Variants in PRKN observed in about 807,000 individuals in gnomAD.
PRKN encodes E3 ubiquitin-protein ligase parkin.
PRKN carries 56 observed loss-of-function variants against 59.5 expected under a neutral mutation model. That is an observed-to-expected ratio of 0.94 (90% CI 0.76 to 1.18). The LOEUF is 1.18. PRKN is among the 50% of genes most tolerant of loss of function. The pLI, the probability that PRKN is intolerant of heterozygous loss-of-function variation, is 0.00. For missense variants in PRKN, 657 were observed against 596.4 expected (o/e 1.10, Z -1.06); for synonymous variants, 250 against 222.1 (o/e 1.13, Z -1.12).
chr6:161,985,853 C>T (rs1340579364), intron 5 of PRKN, among the ~76,000 whole-genome samples: 1 of 152,084 alleles, frequency 6.6e-6, no homozygotes, highest in East Asian at 1.9e-4. Flanking sequence ...CACTCTGGCC[C>T]CTTGCTTGTG....
In PRKN at chr6:162,056,929, C is replaced by A. The variant is rs112851493; in HGVS notation, c.535-2755G>T. On this transcript the variant is annotated intron_variant, in intron 4 of 11. Coordinates refer to ENST00000366898, the MANE Select transcript of PRKN (RefSeq NM_004562.3). This position sits in a 1 kb window ranked among gnomAD's most constrained non-coding sequence, Gnocchi z 4.9. ...GGGGGAGGACTCAGAGCCTTGCCTG[C>A]GGTTTCCTCTAAACTCCTCCCCCTG... Among the ~76,000 whole-genome samples the A allele has an allele frequency of 2.3e-4, 35 of 152,252 alleles. No homozygotes were observed. Among genetic ancestry groups the A allele is most frequent in the East Asian group, 7.7e-4 (4 of 5,164 alleles).
intron 2 of PRKN, among the ~76,000 whole-genome samples, chr6:162,396,406 G>A (rs139789010): frequency 3.5e-3 from 540 of 152,158 alleles, no homozygotes; most frequent in African/African-American, 0.012. Flanking sequence ...TAGGTGGGAC[G>A]TGTCACTAGT....
intron 3 of PRKN, 121 bp downstream of exon 3, chr6:162,262,404 T>C (rs1779927372): frequency 4.3e-6 from 5 of 1,174,266 alleles, no homozygotes; most frequent in Non-Finnish European, 3.8e-6. Flanking sequence ...TGTAGTGAAT[T>C]AGAGACTCCA....
At position 161,561,906 on chromosome 6, in the gene PRKN, G is replaced by A. The variant is rs143679950; in HGVS notation, c.933+7449C>T. 7.9e-5 allele frequency among the ~76,000 whole-genome samples: 12 copies of A among 152,102 alleles called. No individual in the cohort carries two copies. The East Asian group carries it at 1.4e-3, about 17-fold the overall frequency. On this transcript the variant is annotated intron_variant, in intron 8 of 11. Transcript: ENST00000366898. The surrounding 1 kb of genome is among the most constrained non-coding windows in gnomAD (Gnocchi z 5.0). ...ATAAAACTCTGGCTCCTGTCTTTAC[G>A]CATCCCCCAAAACTGCTCATTATGG...
At position 161,397,199 on chromosome 6, in the gene PRKN, G is replaced by C. The variant is rs1048215698; in HGVS notation, c.1084-10322C>G. ...TCATCTTTGTCTTCCCAAGATCCAG[G>C]TGCTAGAACATAGTAGGTGATCAGT... On this transcript the variant is annotated intron_variant, in intron 9 of 11. Transcript: ENST00000366898. This position sits in a 1 kb window ranked among gnomAD's most constrained non-coding sequence, Gnocchi z 4.2. Among the ~76,000 whole-genome samples the C allele has an allele frequency of 1.2e-4, 19 of 152,292 alleles. No individual in the cohort carries two copies. Among genetic ancestry groups the C allele is most frequent in the African/African-American group, 4.1e-4 (17 of 41,554 alleles).
intron 1 of PRKN, among the ~76,000 whole-genome samples, chr6:162,472,010 T>TC (rs2128178558): frequency 6.6e-6 from 1 of 152,300 alleles, no homozygotes; most frequent in Non-Finnish European, 1.5e-5. Context: ...ATAAATACTT[T>TC]CCTGACATTC....
At position 162,054,139 on chromosome 6, in the gene PRKN, G is replaced by A; in HGVS notation, c.570C>T (p.Asn190=). Residue 190 remains asparagine, a synonymous_variant, in exon 5 of 12, where the codon AAC becomes AAT. Coordinates refer to ENST00000366898, the MANE Select transcript of PRKN (RefSeq NM_004562.3). ...PSCWDDVLIP[N]RMSGECQSPH... ...GGGATTGGCATTCACCACTCATCCG[G>A]TTTGGAATTAAAACATCATCCCAGC... The A allele has an allele frequency of 6.2e-7, 1 of 1,613,576 alleles. No homozygotes were observed. Among genetic ancestry groups the A allele is most frequent in the Non-Finnish European group, 8.5e-7 (1 of 1,179,484 alleles).
At chr6:161,531,740 T>A (rs191030374) in intron 9 of PRKN, among the ~76,000 whole-genome samples, 12 of 152,184 alleles carry the variant, frequency 7.9e-5, no homozygotes, top group Admixed American at 6.5e-4. Flanking sequence ...CTGAAAAAAA[T>A]CATGTCAGTC....
intron 5 of PRKN, among the ~76,000 whole-genome samples, chr6:161,999,872 T>C (rs1380073484): frequency 1.3e-5 from 2 of 152,132 alleles, no homozygotes; most frequent in Admixed American, 6.6e-5. Flanking sequence ...TAATAAATGA[T>C]GAACTGAGTT....
chr6:161,875,413 C>T (rs937832579), intron 6 of PRKN, among the ~76,000 whole-genome samples: 11 of 151,768 alleles, frequency 7.2e-5, no homozygotes, highest in Admixed American at 7.2e-4. Flanking sequence ...AGGCTGGTCA[C>T]AACTCCTGAC....
intron 4 of PRKN, among the ~76,000 whole-genome samples, chr6:162,122,045 A>C (rs1780936355): frequency 6.6e-6 from 1 of 152,214 alleles, no homozygotes; most frequent in Non-Finnish European, 1.5e-5. Context: ...CTGAATCCTC[A>C]AAACTGAGTC....
intron 1 of PRKN, among the ~76,000 whole-genome samples, chr6:162,448,962 A>C (rs1328020586): frequency 6.7e-6 from 1 of 149,976 alleles, no homozygotes; most frequent in Non-Finnish European, 1.5e-5. Flanking sequence ...ATCTCAGCTC[A>C]CTGCAACCTC....
intron 1 of PRKN, among the ~76,000 whole-genome samples, chr6:162,618,562 G>A (rs1474450499): frequency 2.0e-5 from 3 of 152,072 alleles, no homozygotes; most frequent in Non-Finnish European, 4.4e-5. Flanking sequence ...TCGTGAGTAC[G>A]CTCTGAATCT....
At chr6:161,851,638 A>G (rs1793438386) in intron 6 of PRKN, among the ~76,000 whole-genome samples, 1 of 151,410 alleles carries the variant, frequency 6.6e-6, no homozygotes, top group Non-Finnish European at 1.5e-5. Context: ...GGCTCCCACC[A>G]CCATGCCTGG....
At chr6:161,810,284 CT>C (rs1381434137) in intron 6 of PRKN, among the ~76,000 whole-genome samples, 1 of 152,182 alleles carries the variant, frequency 6.6e-6, no homozygotes, top group Non-Finnish European at 1.5e-5. Flanking sequence ...AGAAACCAAC[CT>C]TTTCAACACC....
intron 1 of PRKN, among the ~76,000 whole-genome samples, chr6:162,637,465 T>C (rs181802092): frequency 6.6e-6 from 1 of 152,118 alleles, no homozygotes; most frequent in East Asian, 1.9e-4. Flanking sequence ...AAGTCTTACA[T>C]GAGAAACCCC....
chr6:162,518,512 G>A (rs1159471810), intron 1 of PRKN, among the ~76,000 whole-genome samples: 10 of 152,026 alleles, frequency 6.6e-5, no homozygotes, highest in Non-Finnish European at 5.9e-5. Context: ...TATTACGGGC[G>A]GGTGCCACCA....
intron 2 of PRKN, among the ~76,000 whole-genome samples, chr6:162,314,587 G>A (rs979142778): frequency 5.9e-5 from 9 of 152,020 alleles, no homozygotes; most frequent in East Asian, 5.8e-4. Flanking sequence ...CTCAGGGAAC[G>A]GCATCTCCAG....
At chr6:161,794,070 G>C (rs1049471067) in intron 6 of PRKN, among the ~76,000 whole-genome samples, 9 of 152,018 alleles carry the variant, frequency 5.9e-5, no homozygotes, top group Non-Finnish European at 1.2e-4. Flanking sequence ...GCAACGACTT[G>C]ATTTTATGCA....
Sources: gnomAD v4.1 joint callset for allele counts (sites outside exome capture counted in the v4.1 genomes callset) on GRCh38, gnomAD v4.1.1 for gene constraint, Gnocchi (gnomAD v3.1) non-coding constraint, MANE v1.5 for transcripts, NCBI Gene and HGNC (gene_info 2026-07-23, HGNC 2026-07-21) for gene names.